GSG1L: variants seen among roughly 807,000 people sequenced by gnomAD.
The protein encoded by GSG1L is germ cell-specific gene 1-like protein.
A neutral mutation model predicts 42.1 loss-of-function variants in GSG1L; 24 were observed. The observed-to-expected ratio is 0.57, with a 90% CI of 0.41 to 0.80. The LOEUF is 0.80. Ranked by LOEUF, GSG1L falls within the 30% of genes least tolerant of loss-of-function variation. The pLI is 0.00. For missense variants in GSG1L, 445 were observed against 472.2 expected, an observed-to-expected ratio of 0.94 and a Z score of 0.53; for synonymous variants, 215 against 203.5, an observed-to-expected ratio of 1.06 and a Z score of -0.48.
chr16:27,975,223 A>G (rs917360988), intron 1 of GSG1L, among the ~76,000 whole-genome samples: 2 of 152,176 alleles, frequency 1.3e-5, no homozygotes, highest in Admixed American at 6.5e-5. Context: ...CCAGAAAGGA[A>G]TGCCCTGATC....
At position 28,014,316 on chromosome 16, in the gene GSG1L, T is replaced by A. The variant is rs74327147; in HGVS notation, c.349+48760A>T. Among the ~76,000 whole-genome samples the A allele has an allele frequency of 9.7e-4, 147 of 152,272 alleles. 2 individuals are homozygous for A. In the East Asian group the frequency reaches 0.02, roughly 20 times the overall value. ...CAGTTATTGAAGAGCACGAGGCAGA[T>A]CCACACGTGCAGACACGGGAACATG... On this transcript the variant is annotated intron_variant, in intron 1 of 6. Coordinates refer to ENST00000447459, the MANE Select transcript of GSG1L (RefSeq NM_001109763.2).
chr16:27,805,907 C>CTG (rs2082956111), intron 6 of GSG1L, among the ~76,000 whole-genome samples: 1 of 151,890 alleles, frequency 6.6e-6, no homozygotes, highest in South Asian at 2.1e-4. Context: ...TCCACCCAGG[C>CTG]CCCCAGATGC....
chr16:27,982,520 C>G (rs555616586), intron 1 of GSG1L, among the ~76,000 whole-genome samples: 1 of 152,256 alleles, frequency 6.6e-6, no homozygotes, highest in African/African-American at 2.4e-5. Context: ...GCAAAGGGCT[C>G]TAAGGCTCCA....
In GSG1L at chr16:27,888,215, C is replaced by T. The variant is rs1326551874; in HGVS notation, c.398-3577G>A. ...CGTTCAACCCTGCCCACGTGGGCCC[C>T]GGGCCAGGACGCTTCCCCCGCCCCT... On this transcript the variant is annotated intron_variant, in intron 2 of 6. Transcript: ENST00000447459. 2.6e-5 allele frequency: 18 copies of T among 690,478 alleles called. 1 individual carries two copies. The highest frequency in any genetic ancestry group is 2.0e-5 in the Non-Finnish European group (11 of 560,398). The allele number at this position is 690,478 out of a possible 1,614,324, so 42.8% of individuals were successfully genotyped here. A position where few individuals can be genotyped will look rare whatever the true frequency, so the allele number is the denominator to read the frequency against.
Position 28,014,238 on chromosome 16 carries a change from A to G in GSG1L, c.349+48838T>C, listed in dbSNP as rs564042447. 3.9e-5 allele frequency among the ~76,000 whole-genome samples: 6 copies of G among 152,336 alleles called. No individual in the cohort carries two copies. The East Asian group carries it at 9.6e-4, about 24-fold the overall frequency. Reference sequence around the variant, plus strand: ...TGACATTTGCACTAAGCTGAAAGGAAGTATGTATTCTGAATAAATAAAGGT... The same window carrying G: ...TGACATTTGCACTAAGCTGAAAGGAGGTATGTATTCTGAATAAATAAAGGT... On this transcript the variant is annotated intron_variant, in intron 1 of 6. Coordinates refer to ENST00000447459, the MANE Select transcript of GSG1L (RefSeq NM_001109763.2).
chr16:27,813,240 T>C (rs1459841813), intron 5 of GSG1L, among the ~76,000 whole-genome samples: 2 of 152,070 alleles, frequency 1.3e-5, no homozygotes, highest in East Asian at 3.9e-4. Flanking sequence ...CCCTCCCTCT[T>C]CCCACCCTCC....
chr16:27,931,176 G>A (rs374080775), intron 2 of GSG1L, among the ~76,000 whole-genome samples: 2 of 152,244 alleles, frequency 1.3e-5, no homozygotes, highest in Admixed American at 6.5e-5. Context: ...CGGGCTCTTC[G>A]TGGGGCCAAT....
intron 3 of GSG1L, among the ~76,000 whole-genome samples, chr16:27,849,590 T>G (rs1399934121): frequency 6.6e-6 from 1 of 152,194 alleles, no homozygotes; most frequent in Non-Finnish European, 1.5e-5. Flanking sequence ...CAAGCAGTAG[T>G]GCAGTGGTGC....
chr16:27,797,575 C>G (rs2082832989), intron 6 of GSG1L, among the ~76,000 whole-genome samples: 1 of 149,418 alleles, frequency 6.7e-6, no homozygotes, highest in Admixed American at 6.7e-5. Flanking sequence ...GTAATCCCAG[C>G]ACTTTGGGAG....
chr16:27,974,544 T>C (rs2085230248), intron 1 of GSG1L, among the ~76,000 whole-genome samples: 1 of 152,160 alleles, frequency 6.6e-6, no homozygotes, highest in African/African-American at 2.4e-5. Flanking sequence ...CAGGAATAAA[T>C]GACTAGGGCA....
intron 5 of GSG1L, among the ~76,000 whole-genome samples, chr16:27,825,034 C>T (rs576279196): frequency 1.3e-5 from 2 of 152,372 alleles, no homozygotes; most frequent in East Asian, 3.9e-4. Flanking sequence ...TTCCTGGCCA[C>T]TGCTGCCTGG....
intron 5 of GSG1L, among the ~76,000 whole-genome samples, chr16:27,814,478 G>A (rs370814222): frequency 6.6e-6 from 1 of 152,070 alleles, no homozygotes. Context: ...GTAGCCTCAG[G>A]GTCTAGCACA....
chr16:27,952,418 GT>G (rs781179290), intron 2 of GSG1L, among the ~76,000 whole-genome samples: 47 of 152,348 alleles, frequency 3.1e-4, no homozygotes, highest in Admixed American at 2.4e-3. Flanking sequence ...TCTAAGCTGG[GT>G]TTTGAAGGAT....
intron 2 of GSG1L, among the ~76,000 whole-genome samples, chr16:27,927,251 G>A (rs2084604594): frequency 2.6e-5 from 4 of 152,040 alleles, no homozygotes; most frequent in Non-Finnish European, 5.9e-5. Flanking sequence ...CCAGGCTCAA[G>A]CAATCCTCCC....
chr16:27,879,316 A>C (rs1214142937), intron 3 of GSG1L, among the ~76,000 whole-genome samples: 1 of 152,222 alleles, frequency 6.6e-6, no homozygotes, highest in Non-Finnish European at 1.5e-5. Flanking sequence ...AAGGATGCTC[A>C]AGTCCCTGAT....
At chr16:27,893,982 G>A (rs538086137) in intron 2 of GSG1L, among the ~76,000 whole-genome samples, 1 of 152,274 alleles carries the variant, frequency 6.6e-6, no homozygotes, top group African/African-American at 2.4e-5. Context: ...CAAACTCCTG[G>A]CTTCAAGTTA....
intron 6 of GSG1L, among the ~76,000 whole-genome samples, chr16:27,803,530 A>C (rs2082907870): frequency 6.6e-6 from 1 of 151,956 alleles, no homozygotes; most frequent in South Asian, 2.1e-4. Flanking sequence ...ACTTGCTGTT[A>C]TATCCTCATC....
intron 1 of GSG1L, among the ~76,000 whole-genome samples, chr16:27,980,681 G>A (rs535141087): frequency 1.3e-4 from 20 of 152,132 alleles, no homozygotes; most frequent in African/African-American, 4.6e-4. Context: ...CCAGCAGTTC[G>A]AGACCAGCCT....
chr16:27,842,413 G>C (rs1281319254), intron 4 of GSG1L, among the ~76,000 whole-genome samples: 1 of 152,166 alleles, frequency 6.6e-6, no homozygotes, highest in African/African-American at 2.4e-5. Context: ...AAGACCTCAG[G>C]GCAGGTTACT....
Sources: gnomAD v4.1 joint callset for allele counts (sites outside exome capture counted in the v4.1 genomes callset) on GRCh38, gnomAD v4.1.1 for gene constraint, MANE v1.5 for transcripts, NCBI Gene and HGNC (gene_info 2026-07-23, HGNC 2026-07-21) for gene names.